HUWE1: variants seen among roughly 807,000 people sequenced by gnomAD.
HUWE1 encodes the protein E3 ubiquitin-protein ligase HUWE1.
In HUWE1, 18 loss-of-function variants were observed where a neutral mutation model predicts 299.4. The observed-to-expected ratio is 0.06, with a 90% CI of 0.04 to 0.09. The LOEUF is 0.09. HUWE1 is among the 10% of genes least tolerant of loss of function. The pLI is 1.00. For synonymous variants in HUWE1, 1,317 were observed against 1,286.1 expected (o/e 1.02, Z -0.51); for missense variants, 1,832 against 3,462.3 (o/e 0.53, Z 11.82).
chrX:53,685,939 G>A (rs1046221934), intron 2 of HUWE1, among the ~76,000 whole-genome samples: 2 of 111,863 alleles, frequency 1.8e-5, no homozygotes, highest in Non-Finnish European at 3.8e-5. Flanking sequence ...ATATCAATCG[G>A]GAAATGGTTA....
In HUWE1 at chrX:53,536,249, A is replaced by G. The variant is rs369621691; in HGVS notation, c.12429T>C (p.Tyr4143=). ...GGTAATCTTCACTCTCCATATCTGTATATCTAGAAAAACACAATTATACAG... is the reference window on the plus strand; with the variant it reads ...GGTAATCTTCACTCTCCATATCTGTGTATCTAGAAAAACACAATTATACAG... The part of the protein sequence containing the change: ...YKHILGKSVR[Y]TDMESEDYHF... The change falls in exon 80 of 84, where the codon TAT becomes TAC. Residue 4143 remains tyrosine (Y), a synonymous_variant. Coordinates refer to ENST00000262854, the MANE Select transcript of HUWE1 (RefSeq NM_031407.7). 14 of 1,174,253 alleles carry G rather than the reference A, an allele frequency of 1.2e-5. No homozygotes were observed. The highest frequency in any genetic ancestry group is 1.2e-4 in the East Asian group (4 of 33,614).
chrX:53,559,373 G>A lies in HUWE1; in HGVS notation c.7896C>T (p.Ser2632=), dbSNP rs373953924. The A allele has an allele frequency of 1.7e-6, 2 of 1,209,083 alleles. No individual in the cohort carries two copies. The highest frequency in any genetic ancestry group is 3.5e-5 in the African/African-American group (2 of 57,046). ...ELLDDFFHDQ[S]TATSQAGTLS... ...ACTTGCCTGCTTGGCTGGTAGCTGT[G>A]CTCTGATCATGGAAAAAGTCATCCA... The change falls in exon 57 of 84, where the codon AGC becomes AGT. Residue 2632 remains serine, a synonymous_variant. Transcript: ENST00000262854.
chrX:53,623,314 C>A (rs2066263373), intron 19 of HUWE1, among the ~76,000 whole-genome samples: 1 of 111,386 alleles, frequency 9.0e-6, no homozygotes, highest in African/African-American at 3.3e-5. Context: ...AGAAGACGGG[C>A]ATTCTCCCTG....
intron 7 of HUWE1, among the ~76,000 whole-genome samples, chrX:53,638,115 T>C (rs1182821415): frequency 9.0e-6 from 1 of 111,720 alleles, no homozygotes; most frequent in Admixed American, 9.5e-5. Flanking sequence ...CTTCACATTT[T>C]AGCAGAAGCA....
chrX:53,637,926 T>C (rs2067319774), intron 7 of HUWE1, among the ~76,000 whole-genome samples: 1 of 111,616 alleles, frequency 9.0e-6, no homozygotes, highest in Admixed American at 9.6e-5. Context: ...GATTCTAGGG[T>C]ACTTTTTAGT....
chrX:53,663,370 G>A (rs1557046303), intron 3 of HUWE1, among the ~76,000 whole-genome samples: 1 of 111,670 alleles, frequency 9.0e-6, no homozygotes, highest in Non-Finnish European at 1.9e-5. Context: ...AAAATTAGCC[G>A]GGTGTGGTGG....
intron 8 of HUWE1, 141 bp from the exon 9 acceptor site, chrX:53,632,705 G>C: frequency 5.9e-6 from 3 of 504,429 alleles, no homozygotes; most frequent in Non-Finnish European, 1.1e-5. Context: ...AGTACCTACA[G>C]TGCCTTTAAC....
rs201371753 is a variant in HUWE1 at position 53,538,316 on chromosome X, C to A, written c.11996+21G>T. 1.6e-5 allele frequency: 17 copies of A among 1,089,547 alleles called. No homozygotes were observed. The Admixed American group carries it at 3.3e-4, about 21-fold the overall frequency. The allele number at this position is 1,089,547 out of a possible 1,213,427, so 89.8% of individuals were successfully genotyped here. A position where few individuals can be genotyped will look rare whatever the true frequency, so the allele number is the denominator to read the frequency against. On this transcript the variant is annotated intron_variant, in intron 77 of 83. Transcript: ENST00000262854. Reference sequence around the variant, plus strand: ...GGGAGTTCTCACCACCCCTCTACCCCCCAATATCCAGGACACATACTTGCG... The same window carrying A: ...GGGAGTTCTCACCACCCCTCTACCCACCAATATCCAGGACACATACTTGCG...
intron 78 of HUWE1, 121 bp downstream of exon 78, chrX:53,537,435 T>G: frequency 5.5e-6 from 4 of 733,244 alleles, no homozygotes; most frequent in Non-Finnish European, 8.3e-6. Flanking sequence ...CAGATTCCTA[T>G]GGGGAATTCC....
intron 2 of HUWE1, 26 bp from the exon 3 acceptor site, chrX:53,680,212 G>A (rs1429969744): frequency 2.0e-5 from 6 of 293,715 alleles, no homozygotes; most frequent in South Asian, 2.1e-4. Flanking sequence ...TGGGGGAGAG[G>A]AGTGAGATAC....
intron 28 of HUWE1, among the ~76,000 whole-genome samples, chrX:53,600,649 A>G (rs1335215891): frequency 1.8e-5 from 2 of 112,731 alleles, no homozygotes; most frequent in Admixed American, 9.3e-5. Context: ...ATGCCCTACT[A>G]GAATGTTATA....
Position 53,680,132 on chromosome X carries a change from T to C in HUWE1, c.-108A>G, listed in dbSNP as rs1370266218. The C allele has an allele frequency of 1.0e-5, 3 of 295,697 alleles. No homozygotes were observed. The highest frequency in any genetic ancestry group is 1.8e-5 in the Non-Finnish European group (3 of 170,049). 24.4% of individuals were successfully genotyped at this position (295,697 alleles called of 1,213,427 possible). On this transcript the variant is annotated 5_prime_UTR_variant, in exon 3 of 84. Transcript: ENST00000262854. ...GCTTCCCGAACCTTCCTGACCAAGT[T>C]GGCCTGCTGGTTTCTCTGGATCACT...
At chrX:53,596,660 G>C (rs2064494566) in intron 29 of HUWE1, among the ~76,000 whole-genome samples, 2 of 111,861 alleles carry the variant, frequency 1.8e-5, no homozygotes, top group African/African-American at 6.5e-5. Context: ...CATCTCTCCA[G>C]TAAATTGTGT....
chrX:53,549,382 A>G lies in HUWE1; in HGVS notation c.9612T>C (p.Arg3204=). ...FVDEPKLNTS[R]LHRVLRNLCY... ...AGAGATTTCTCAGTACTCGGTGTAG[A>G]CGGCTAGTATTGAGCTTTGGCTCAT... The change falls in exon 67 of 84, where the codon CGT becomes CGC. Residue 3204 remains arginine, a synonymous_variant. Coordinates refer to ENST00000262854, the MANE Select transcript of HUWE1 (RefSeq NM_031407.7). 1 of 1,211,156 alleles carries G rather than the reference A, an allele frequency of 8.3e-7. No homozygotes were observed. The highest frequency in any genetic ancestry group is 1.1e-6 in the Non-Finnish European group (1 of 895,239).
chrX:53,622,106 A>G (rs1557012915), intron 19 of HUWE1, among the ~76,000 whole-genome samples: 1 of 112,045 alleles, frequency 8.9e-6, no homozygotes, highest in Non-Finnish European at 1.9e-5. Flanking sequence ...TGAAATTATA[A>G]GCAGGACATC....
In HUWE1 at chrX:53,544,598, C is replaced by T. The variant is rs782484577; in HGVS notation, c.11213G>A (p.Arg3738His). 1.7e-6 allele frequency: 2 copies of T among 1,205,402 alleles called. No individual in the cohort carries two copies. Among genetic ancestry groups the T allele is most frequent in the African/African-American group, 1.8e-5 (1 of 56,152 alleles). ...CTGCTTGGCTTTCTTGTTAGCCCGG[C>T]GCGTGTCGTCCCGGAGCTGGATGAT... Reference protein sequence around the residue: ...QVIIQLRDDTRRANKKAKQTG... With the variant: ...QVIIQLRDDTHRANKKAKQTG... Residue 3738 changes from arginine (R) to histidine (H), a missense_variant, in exon 72 of 84, where the codon CGC becomes CAC. Arg to His is a conservative substitution (Grantham distance 29). This residue lies in a region of HUWE1 where 41 missense variants were observed against 124.0 expected (regional missense o/e 0.33). Transcript: ENST00000262854.
At chrX:53,681,201 C>T (rs1329450126) in intron 2 of HUWE1, among the ~76,000 whole-genome samples, 1 of 110,182 alleles carries the variant, frequency 9.1e-6, no homozygotes, top group African/African-American at 3.3e-5. Flanking sequence ...TTTGGGAGGC[C>T]GAGGCGGGCG....
chrX:53,607,466 G>T, intron 25 of HUWE1, 57 bp downstream of exon 25: 4 of 1,080,302 alleles, frequency 3.7e-6, no homozygotes, highest in Non-Finnish European at 5.1e-6. Context: ...ATATACAGAA[G>T]TATCGCAAAA....
chrX:53,551,052 C>T lies in HUWE1; in HGVS notation c.9234G>A (p.Glu3078=). ...DLRRSVLEDM[E]DSVLAVMPPD... ...GTGGCATCACAGCTAACACACTGTC[C>T]TCCATATCCTCTAGGACACTACGGC... Residue 3078 remains glutamate, a synonymous_variant, in exon 65 of 84, where the codon GAG becomes GAA. Coordinates refer to ENST00000262854, the MANE Select transcript of HUWE1 (RefSeq NM_031407.7). 8.3e-7 allele frequency: 1 copy of T among 1,211,730 alleles called. No homozygotes were observed. Among genetic ancestry groups the T allele is most frequent in the Non-Finnish European group, 1.1e-6 (1 of 895,469 alleles).
Sources: gnomAD v4.1 joint callset for allele counts (sites outside exome capture counted in the v4.1 genomes callset) on GRCh38, gnomAD v4.1.1 for gene constraint, gnomAD v4.1.1 regional missense constraint, MANE v1.5 for transcripts, NCBI Gene and HGNC (gene_info 2026-07-23, HGNC 2026-07-21) for gene names.